IGSF11: variants seen among roughly 807,000 people sequenced by gnomAD.
IGSF11 encodes CXADR like 1.
Under a neutral mutation model 41.0 loss-of-function variants are expected in IGSF11, and 22 were observed. The observed-to-expected ratio is 0.54, with a 90% CI of 0.38 to 0.77. The LOEUF (loss-of-function observed/expected upper bound fraction) is 0.77. Among genes scored for constraint, IGSF11 ranks in the 30% least tolerant of loss-of-function variants. The pLI, the probability that IGSF11 is intolerant of heterozygous loss-of-function variation, is 0.00. For missense variants in IGSF11, 444 were observed against 530.8 expected, an observed-to-expected ratio of 0.84 and a Z score of 1.61; for synonymous variants, 219 against 201.3, an observed-to-expected ratio of 1.09 and a Z score of -0.74.
At chr3:119,113,716 A>T (rs557220835) in intron 1 of IGSF11, among the ~76,000 whole-genome samples, 7 of 152,304 alleles carry the variant, frequency 4.6e-5, no homozygotes, top group African/African-American at 1.7e-4. Flanking sequence ...CCCTCTTCTC[A>T]CAGCTCCACT....
intron 1 of IGSF11, among the ~76,000 whole-genome samples, chr3:119,057,329 C>T: frequency 6.6e-6 from 1 of 151,988 alleles, no homozygotes. Context: ...ACACCAATAA[C>T]AGACAAACAG....
chr3:119,092,955 A>G (rs550453645), intron 1 of IGSF11, among the ~76,000 whole-genome samples: 1 of 152,312 alleles, frequency 6.6e-6, no homozygotes, highest in African/African-American at 2.4e-5. Context: ...TTGTGTGAGC[A>G]TATGGCCTAG....
At chr3:119,145,522 G>A (rs1317917685) in intron 1 of IGSF11, among the ~76,000 whole-genome samples, 1 of 152,022 alleles carries the variant, frequency 6.6e-6, no homozygotes. Context: ...CTCTGATTTG[G>A]CCTCCTTCTA....
At position 118,978,745 on chromosome 3, in the gene IGSF11, A is replaced by G. The variant is rs183532265; in HGVS notation, c.53-48470T>C. ...ACCCAGAATCAAGCCAAAGTGCCCT[A>G]CCCAACCGACACCATATATTCATCT... On this transcript the variant is annotated intron_variant, in intron 1 of 6. Transcript: ENST00000393775. Among the ~76,000 whole-genome samples, 379 of 152,302 alleles carry G rather than the reference A, an allele frequency of 2.5e-3. 4 individuals carry two copies. The highest frequency in any genetic ancestry group is 1.5e-3 in the Non-Finnish European group (103 of 68,016).
chr3:118,946,708 C>A (rs913916766), intron 1 of IGSF11, among the ~76,000 whole-genome samples: 1 of 152,220 alleles, frequency 6.6e-6, no homozygotes, highest in African/African-American at 2.4e-5. Context: ...CACTAACAAG[C>A]ATTTTTATGA....
At chr3:118,973,712 A>T (rs1192622608) in intron 1 of IGSF11, among the ~76,000 whole-genome samples, 1 of 152,230 alleles carries the variant, frequency 6.6e-6, no homozygotes, top group Non-Finnish European at 1.5e-5. Context: ...ACTGAATTGG[A>T]CCTTAAAGGA....
chr3:119,020,482 G>A (rs1939182387), intron 1 of IGSF11, among the ~76,000 whole-genome samples: 1 of 152,164 alleles, frequency 6.6e-6, no homozygotes, highest in Non-Finnish European at 1.5e-5. Flanking sequence ...GAATTGAGCA[G>A]GAAATAACAC....
intron 4 of IGSF11, among the ~76,000 whole-genome samples, chr3:118,919,095 T>C (rs981362268): frequency 3.5e-5 from 5 of 141,154 alleles, no homozygotes; most frequent in African/African-American, 1.2e-4. Context: ...TTACACCTTA[T>C]AGAAAAATCA....
chr3:118,963,311 T>C (rs1004638873), intron 1 of IGSF11, among the ~76,000 whole-genome samples: 1 of 152,246 alleles, frequency 6.6e-6, no homozygotes, highest in Non-Finnish European at 1.5e-5. Flanking sequence ...CTACCTCTGA[T>C]ATTCTGGACT....
chr3:119,008,680 T>C (rs192713656), intron 1 of IGSF11, among the ~76,000 whole-genome samples: 2 of 152,350 alleles, frequency 1.3e-5, no homozygotes, highest in African/African-American at 4.8e-5. Flanking sequence ...AACATGCCCA[T>C]CACCTATGAG....
intron 1 of IGSF11, among the ~76,000 whole-genome samples, chr3:119,076,276 A>G (rs2076497869): frequency 6.6e-6 from 1 of 152,252 alleles, no homozygotes; most frequent in African/African-American, 2.4e-5. Flanking sequence ...TGAATTAAAG[A>G]CTTAAATGTT....
chr3:118,905,773 A>G, intron 4 of IGSF11, 55 bp from the exon 5 acceptor site: 1 of 1,600,542 alleles, frequency 6.2e-7, no homozygotes. Flanking sequence ...AGCAAAACCA[A>G]AGAAATCAGC....
At chr3:118,921,460 G>C (rs1434830044) in intron 4 of IGSF11, among the ~76,000 whole-genome samples, 6 of 152,154 alleles carry the variant, frequency 3.9e-5, no homozygotes, top group Non-Finnish European at 7.4e-5. Context: ...ACTAAATACA[G>C]AGTTTAAAAC....
intron 1 of IGSF11, among the ~76,000 whole-genome samples, chr3:119,058,206 A>T (rs2107448182): frequency 6.6e-6 from 1 of 152,146 alleles, no homozygotes; most frequent in Middle Eastern, 3.4e-3. Context: ...ATGGGAGAAA[A>T]TTTTTGCAAC....
upstream of IGSF11, among the ~76,000 whole-genome samples, chr3:119,106,364 C>T (rs1051194553): frequency 6.6e-6 from 1 of 152,188 alleles, no homozygotes; most frequent in Admixed American, 6.5e-5. Flanking sequence ...GAACTTCCCA[C>T]TACCCTTCCC....
intron 1 of IGSF11, among the ~76,000 whole-genome samples, chr3:119,003,289 T>A (rs1937101886): frequency 7.0e-6 from 1 of 143,546 alleles, no homozygotes; most frequent in East Asian, 2.0e-4. Context: ...GTTGTTGGTG[T>A]ATAAGAATGC....
chr3:119,122,001 G>A (rs1403941728), intron 1 of IGSF11, among the ~76,000 whole-genome samples: 1 of 152,236 alleles, frequency 6.6e-6, no homozygotes. Flanking sequence ...AAGCAAGATG[G>A]TGGAGTAGAA....
rs184071268 is a variant in IGSF11, at chr3:118,932,438, T to C, written c.53-2163A>G. Among the ~76,000 whole-genome samples the C allele has an allele frequency of 2.5e-3, 381 of 152,364 alleles. 1 individual carries two copies. The highest frequency in any genetic ancestry group is 8.5e-3 in the African/African-American group (352 of 41,590). ...TACAGAACGTCATGTTCTTCACGTA[T>C]AGTCTGATGATGTTCTCAGGAGTTA... On this transcript the variant is annotated intron_variant, in intron 1 of 6. Coordinates refer to ENST00000393775, the MANE Select transcript of IGSF11 (RefSeq NM_001015887.3).
intron 1 of IGSF11, among the ~76,000 whole-genome samples, chr3:118,938,091 G>C (rs532012821): frequency 2.6e-5 from 4 of 152,098 alleles, no homozygotes; most frequent in Non-Finnish European, 2.9e-5. Flanking sequence ...ATACATATGT[G>C]TGTGTATACA....
Sources: allele counts gnomAD v4.1 joint callset (sites outside exome capture counted in the v4.1 genomes callset), GRCh38; gene constraint gnomAD v4.1.1; transcripts MANE v1.5; gene names NCBI Gene and HGNC (gene_info 2026-07-23, HGNC 2026-07-21).